The following USP5 variants were observed in gnomAD, a reference collection of about 807,000 sequenced individuals.
USP5 encodes ubiquitin specific peptidase 5.
A neutral mutation model predicts 102.5 loss-of-function variants in USP5; 24 were observed. The observed-to-expected ratio is 0.23, with a 90% CI of 0.17 to 0.33. The LOEUF is 0.33. Among genes scored for constraint, USP5 ranks in the 10% least tolerant of loss-of-function variants. The pLI, the probability that USP5 is intolerant of heterozygous loss-of-function variation, is 1.00. For synonymous variants in USP5, 460 were observed against 434.8 expected (o/e 1.06, Z -0.72); for missense variants, 753 against 1,122.1 (o/e 0.67, Z 4.70).
In USP5 at chr12:6,858,609, C is replaced by T; in HGVS notation, c.1050C>T (p.Phe350=). 6.2e-7 allele frequency: 1 copy of T among 1,604,040 alleles called. No individual in the cohort carries two copies. The highest frequency in any genetic ancestry group is 8.5e-7 in the Non-Finnish European group (1 of 1,171,588). Residue 350 remains phenylalanine, a synonymous_variant, in exon 8 of 20, where the codon TTC becomes TTT. Transcript: ENST00000229268. The surrounding 1 kb of genome is among the most constrained non-coding windows in gnomAD (Gnocchi z 4.2). The stretch of plus-strand genomic sequence containing the variant: ...AGGTGCTCTTCAGCATCCCTGACTT[C>T]CAGAGGAAGTGAGTAGTGCCCTCTC... ...VVQVLFSIPD[F]QRKYVDKLEK...
At position 6,855,734 on chromosome 12, in the gene USP5, G is replaced by C; in HGVS notation, c.238-21G>C. 6.2e-7 allele frequency: 1 copy of C among 1,614,078 alleles called. No homozygotes were observed. On this transcript the variant is annotated intron_variant, in intron 2 of 19. Transcript: ENST00000229268. This position sits in a 1 kb window ranked among gnomAD's most constrained non-coding sequence, Gnocchi z 4.6. The stretch of plus-strand genomic sequence containing the variant: ...TTCGCTCGTGCTCATTGCTGATCCA[G>C]CCCTTCCTGCTTCTTTACAGAAAGA...
At position 6,861,605 on chromosome 12, in the gene USP5, C is replaced by A; in HGVS notation, c.1661C>A (p.Ser554Ter). 6.4e-7 allele frequency: 1 copy of A among 1,560,922 alleles called. No individual in the cohort carries two copies. The highest frequency in any genetic ancestry group is 1.1e-5 in the South Asian group (1 of 87,326). ...DFWSTALQAK[S>*]VAVKTTRFAS... ...TGGAGCACGGCCCTGCAGGCCAAGT[C>A]AGTAGCTGTCAAGTAAGTCCTCTGG... is the stretch of plus-strand genomic sequence containing the variant. The change falls in exon 13 of 20, where the codon TCA becomes TAA. Residue 554 changes from serine to a stop codon, truncating the protein, a stop_gained. Transcript: ENST00000229268. LOFTEE classifies it high-confidence loss of function. The surrounding 1 kb of genome is among the most constrained non-coding windows in gnomAD (Gnocchi z 4.9).
Position 6,864,018 on chromosome 12 carries a change from C to T in USP5, c.2099-32C>T. The T allele has an allele frequency of 6.3e-7, 1 of 1,585,136 alleles. No individual in the cohort carries two copies. The highest frequency in any genetic ancestry group is 8.6e-7 in the Non-Finnish European group (1 of 1,161,022). On this transcript the variant is annotated intron_variant, in intron 16 of 19. Coordinates refer to ENST00000229268, the MANE Select transcript of USP5 (RefSeq NM_001098536.2). The surrounding 1 kb of genome is among the most constrained non-coding windows in gnomAD (Gnocchi z 4.8). Reference sequence around the variant, plus strand: ...AGGGTGGGGCAGGGCCTCCATCCTCCCCCAAACACATCAACCCCTTCACAT... The same window carrying T: ...AGGGTGGGGCAGGGCCTCCATCCTCTCCCAAACACATCAACCCCTTCACAT...
chr12:6,855,538 G>A lies in USP5; in HGVS notation c.237+12G>A, dbSNP rs781840035. Reference sequence around the variant, plus strand: ...GGACCCGGCGCCCGGTAGGAGCAGGGCTGGGGCAAGGCCTGGGTACATTGT... The same window carrying A: ...GGACCCGGCGCCCGGTAGGAGCAGGACTGGGGCAAGGCCTGGGTACATTGT... On this transcript the variant is annotated intron_variant, in intron 2 of 19. Coordinates refer to ENST00000229268, the MANE Select transcript of USP5 (RefSeq NM_001098536.2). This position sits in a 1 kb window ranked among gnomAD's most constrained non-coding sequence, Gnocchi z 4.6. 5.0e-5 allele frequency: 80 copies of A among 1,613,734 alleles called. No individual in the cohort carries two copies. Among genetic ancestry groups the A allele is most frequent in the Non-Finnish European group, 6.4e-5 (75 of 1,180,000 alleles).
chr12:6,856,965 A>T lies in USP5; in HGVS notation c.769+74A>T. 2.0e-6 allele frequency: 3 copies of T among 1,529,884 alleles called. No homozygotes were observed. Among genetic ancestry groups the T allele is most frequent in the Non-Finnish European group, 2.6e-6 (3 of 1,132,350 alleles). The allele number at this position is 1,529,884 out of a possible 1,614,324, so 94.8% of individuals were successfully genotyped here. On this transcript the variant is annotated intron_variant, in intron 6 of 19. Coordinates refer to ENST00000229268, the MANE Select transcript of USP5 (RefSeq NM_001098536.2). The surrounding 1 kb of genome is among the most constrained non-coding windows in gnomAD (Gnocchi z 5.6). ...TTGTTAGTAATTTCGTGTGACATGT[A>T]TAATACATGAATGCATTATCTTGAT...
Position 6,866,324 on chromosome 12 carries a change from T to G in USP5, c.*247T>G. ...CCTGTCTGTAAGGAGACTTTGTTGC[T>G]TCCCCTGCCCCCGGAATCCACAGTG... On this transcript the variant is annotated 3_prime_UTR_variant, in exon 20 of 20. Coordinates refer to ENST00000229268, the MANE Select transcript of USP5 (RefSeq NM_001098536.2). This position sits in a 1 kb window ranked among gnomAD's most constrained non-coding sequence, Gnocchi z 4.7. 1.3e-5 allele frequency: 6 copies of G among 478,836 alleles called. No homozygotes were observed. Among genetic ancestry groups the G allele is most frequent in the East Asian group, 3.2e-5 (1 of 30,846 alleles). The allele number at this position is 478,836 out of a possible 1,614,324, so 29.7% of individuals were successfully genotyped here.
rs1019945597 is a variant in USP5, at chr12:6,860,601, A to G, written c.1344+110A>G. 1 of 1,531,904 alleles carries G rather than the reference A, an allele frequency of 6.5e-7. No homozygotes were observed. The highest frequency in any genetic ancestry group is 8.8e-7 in the Non-Finnish European group (1 of 1,131,580). 94.9% of individuals were successfully genotyped at this position (1,531,904 alleles called of 1,614,324 possible). ...AACCCAGTCCCATCCCTGAACCCCAACAGTCTGTGTCCCTGTGAACAGTGC... is the reference window on the plus strand; with the variant it reads ...AACCCAGTCCCATCCCTGAACCCCAGCAGTCTGTGTCCCTGTGAACAGTGC... On this transcript the variant is annotated intron_variant, in intron 11 of 19. Transcript: ENST00000229268. This position sits in a 1 kb window ranked among gnomAD's most constrained non-coding sequence, Gnocchi z 5.5.
At position 6,855,627 on chromosome 12, in the gene USP5, A is replaced by G; in HGVS notation, c.237+101A>G. The G allele has an allele frequency of 6.3e-7, 1 of 1,586,206 alleles. No individual in the cohort carries two copies. Among genetic ancestry groups the G allele is most frequent in the Non-Finnish European group, 8.6e-7 (1 of 1,166,582 alleles). ...TTTTCACCTACTTTTGTGTCATTAA[A>G]GCTTGGCACAGATGTTTTTTAGCTT... On this transcript the variant is annotated intron_variant, in intron 2 of 19. Coordinates refer to ENST00000229268, the MANE Select transcript of USP5 (RefSeq NM_001098536.2). The surrounding 1 kb of genome is among the most constrained non-coding windows in gnomAD (Gnocchi z 4.6).
chr12:6,860,356 C>G lies in USP5; in HGVS notation c.1219-10C>G, dbSNP rs1555129258. 2 of 1,614,226 alleles carry G rather than the reference C, an allele frequency of 1.2e-6. No individual in the cohort carries two copies. On this transcript the variant is annotated splice_polypyrimidine_tract_variant and intron_variant, in intron 10 of 19. Transcript: ENST00000229268. The surrounding 1 kb of genome is among the most constrained non-coding windows in gnomAD (Gnocchi z 5.5). ...AGCCCCAGCTGAGTCCCTGCCCTGA[C>G]TCTTCCCAGGAAGTTCAAGATGGCA...
In USP5 at chr12:6,860,832, T is replaced by C. The variant is rs1464352762; in HGVS notation, c.1345-121T>C. The C allele has an allele frequency of 7.0e-7, 1 of 1,424,744 alleles. No homozygotes were observed. The highest frequency in any genetic ancestry group is 9.6e-7 in the Non-Finnish European group (1 of 1,039,338). The allele number at this position is 1,424,744 out of a possible 1,614,324, so 88.3% of individuals were successfully genotyped here. ...GAATTAGGGAAGGTTTCTGCTCTGC[T>C]CTTGTGTCCCTGAGTTCCGAGTGGT... is the stretch of plus-strand genomic sequence containing the variant. On this transcript the variant is annotated intron_variant, in intron 11 of 19. Transcript: ENST00000229268. This position sits in a 1 kb window ranked among gnomAD's most constrained non-coding sequence, Gnocchi z 5.5.
At position 6,856,337 on chromosome 12, in the gene USP5, C is replaced by G; in HGVS notation, c.471C>G (p.Ala157=). The change falls in exon 5 of 20, where the codon GCC becomes GCG. Residue 157 remains alanine, a synonymous_variant. Coordinates refer to ENST00000229268, the MANE Select transcript of USP5 (RefSeq NM_001098536.2). This position sits in a 1 kb window ranked among gnomAD's most constrained non-coding sequence, Gnocchi z 5.6. ...GTGCAGTGGAGGCCCTACTGTCGGC[C>G]GACTCAGCCTCCCGCAAGCAGGAGG... ...VTSAVEALLS[A]DSASRKQEVQ... 1 of 1,613,800 alleles carries G rather than the reference C, an allele frequency of 6.2e-7. No homozygotes were observed. The highest frequency in any genetic ancestry group is 8.5e-7 in the Non-Finnish European group (1 of 1,179,874).
chr12:6,866,030 C>A lies in USP5; in HGVS notation c.2530C>A (p.Pro844Thr). ...GAAAGTGTGTGCCTCCGAGAAGCCG[C>A]CCAAGGACCTGGGCTACATCTACTT... ...DQKVCASEKP[P>T]KDLGYIYFYQ... The change falls in exon 20 of 20, where the codon CCC (proline) becomes ACC (threonine). Residue 844 changes from proline (P) to threonine (T), a missense_variant. Physicochemically the swap from Pro to Thr is conservative, Grantham distance 38. Coordinates refer to ENST00000229268, the MANE Select transcript of USP5 (RefSeq NM_001098536.2). This position sits in a 1 kb window ranked among gnomAD's most constrained non-coding sequence, Gnocchi z 4.7. 6.2e-7 allele frequency: 1 copy of A among 1,614,152 alleles called. No homozygotes were observed. Among genetic ancestry groups the A allele is most frequent in the Non-Finnish European group, 8.5e-7 (1 of 1,180,038 alleles).
At position 6,855,544 on chromosome 12, in the gene USP5, G is replaced by GCAAGGC; in HGVS notation, c.237+20_237+25dup. 6.2e-7 allele frequency: 1 copy of GCAAGGC among 1,613,660 alleles called. No individual in the cohort carries two copies. Among genetic ancestry groups the GCAAGGC allele is most frequent in the East Asian group, 2.2e-5 (1 of 44,890 alleles). ...GGCGCCCGGTAGGAGCAGGGCTGGG[G>GCAAGGC]CAAGGCCTGGGTACATTGTCTGTTC... is the stretch of plus-strand genomic sequence containing the variant. On this transcript the variant is annotated intron_variant, in intron 2 of 19. Transcript: ENST00000229268. The surrounding 1 kb of genome is among the most constrained non-coding windows in gnomAD (Gnocchi z 4.6).
Position 6,866,284 on chromosome 12 carries a change from G to A in USP5, c.*207G>A, listed in dbSNP as rs782427051. On this transcript the variant is annotated 3_prime_UTR_variant, in exon 20 of 20. Transcript: ENST00000229268. This position sits in a 1 kb window ranked among gnomAD's most constrained non-coding sequence, Gnocchi z 4.7. ...TCTGGGGATGGAGCAGGACGGGGAC[G>A]GGAGGGGCCGGCCACCTGTCTGTAA... 7.9e-5 allele frequency: 44 copies of A among 556,062 alleles called. No individual in the cohort carries two copies. Among genetic ancestry groups the A allele is most frequent in the Non-Finnish European group, 1.3e-4 (40 of 309,958 alleles). 34.4% of individuals were successfully genotyped at this position (556,062 alleles called of 1,614,324 possible).
Position 6,866,168 on chromosome 12 carries a change from C to T in USP5, c.*91C>T. ...AGGGATGGACTTCAGCCCCTCTGCT[C>T]TGTACCCTTTTTCCTTTTGTCCCCG... is the stretch of plus-strand genomic sequence containing the variant. On this transcript the variant is annotated 3_prime_UTR_variant, in exon 20 of 20. Transcript: ENST00000229268. The surrounding 1 kb of genome is among the most constrained non-coding windows in gnomAD (Gnocchi z 4.7). The T allele has an allele frequency of 8.3e-7, 1 of 1,207,134 alleles. No homozygotes were observed. The highest frequency in any genetic ancestry group is 1.2e-6 in the Non-Finnish European group (1 of 833,310). 74.8% of individuals were successfully genotyped at this position (1,207,134 alleles called of 1,614,324 possible). A position where few individuals can be genotyped will look rare whatever the true frequency, so the allele number is the denominator to read the frequency against.
At position 6,859,466 on chromosome 12, in the gene USP5, T is replaced by G; in HGVS notation, c.1059-4T>G. On this transcript the variant is annotated splice_polypyrimidine_tract_variant and splice_region_variant and intron_variant, in intron 8 of 19. Transcript: ENST00000229268. ...CCTCCAACTGTCCTTCCCTTGACTT[T>G]TAGGTATGTGGATAAGCTGGAGAAG... 1 of 1,614,068 alleles carries G rather than the reference T, an allele frequency of 6.2e-7. No homozygotes were observed. The highest frequency in any genetic ancestry group is 8.5e-7 in the Non-Finnish European group (1 of 1,179,978).
In USP5 at chr12:6,860,306, A is replaced by G. The variant is rs1944241935; in HGVS notation, c.1219-60A>G. 1 of 1,613,118 alleles carries G rather than the reference A, an allele frequency of 6.2e-7. No homozygotes were observed. Among genetic ancestry groups the G allele is most frequent in the Admixed American group, 1.7e-5 (1 of 59,996 alleles). ...GGAAGCTGAGGTCTGGGAGATGTCT[A>G]AAGAAGGCCCCTGGATGGCCACTGA... On this transcript the variant is annotated intron_variant, in intron 10 of 19. Transcript: ENST00000229268. The surrounding 1 kb of genome is among the most constrained non-coding windows in gnomAD (Gnocchi z 5.5).
At position 6,863,256 on chromosome 12, in the gene USP5, G is replaced by A. The variant is rs2034541546; in HGVS notation, c.1833G>A (p.Glu611=). 1.9e-6 allele frequency: 3 copies of A among 1,614,178 alleles called. No homozygotes were observed. The highest frequency in any genetic ancestry group is 2.5e-6 in the Non-Finnish European group (3 of 1,180,028). The change falls in exon 15 of 20, where the codon GAG becomes GAA. Residue 611 remains glutamate, a synonymous_variant. Coordinates refer to ENST00000229268, the MANE Select transcript of USP5 (RefSeq NM_001098536.2). This position sits in a 1 kb window ranked among gnomAD's most constrained non-coding sequence, Gnocchi z 4.7. ...QLRGTGLQPG[E]EELPDIAPPL... ...GGGGCACAGGGCTGCAGCCCGGAGA[G>A]GAGGAGCTGCCAGACATTGCCCCAC... is the stretch of plus-strand genomic sequence containing the variant.
Position 6,856,612 on chromosome 12 carries a change from C to G in USP5, c.585-95C>G. On this transcript the variant is annotated intron_variant, in intron 5 of 19. Coordinates refer to ENST00000229268, the MANE Select transcript of USP5 (RefSeq NM_001098536.2). The surrounding 1 kb of genome is among the most constrained non-coding windows in gnomAD (Gnocchi z 5.6). ...TGGCCAGAGGAGAAGAGAGAGAGAC[C>G]TTGGATTGGCGGGGGGCCTGCAGAG... The G allele has an allele frequency of 6.4e-7, 1 of 1,559,542 alleles. No homozygotes were observed. Among genetic ancestry groups the G allele is most frequent in the Admixed American group, 1.8e-5 (1 of 55,498 alleles).
Sources: allele counts gnomAD v4.1 joint callset, GRCh38; gene constraint gnomAD v4.1.1; non-coding constraint Gnocchi (gnomAD v3.1); transcripts MANE v1.5; gene names NCBI Gene and HGNC (gene_info 2026-07-23, HGNC 2026-07-21).